MYPN: variants seen among roughly 807,000 people sequenced by gnomAD.
MYPN encodes the protein myopalladin.
Under a neutral mutation model 129.4 loss-of-function variants are expected in MYPN, and 63 were observed. The ratio of observed to expected loss-of-function variants is 0.49; its 90% confidence interval spans 0.40 to 0.60. MYPN has a LOEUF of 0.60. Ranked by LOEUF, MYPN falls within the 20% of genes least tolerant of loss-of-function variation. The pLI is 0.00. For synonymous variants in MYPN, 629 were observed against 600.9 expected, an observed-to-expected ratio of 1.05 and a Z score of -0.68; for missense variants, 1,596 against 1,635.4, an observed-to-expected ratio of 0.98 and a Z score of 0.42.
At position 68,131,130 on chromosome 10, in the gene MYPN, T is replaced by G. The variant is rs2042403980; in HGVS notation, c.902+8790T>G. Among the ~76,000 whole-genome samples, 4 of 152,226 alleles carry G rather than the reference T, an allele frequency of 2.6e-5. No homozygotes were observed. In the South Asian group the frequency reaches 8.3e-4, roughly 31 times the overall value. ...TAGGCCGGGTGTGGGGGCTCACGCC[T>G]GTAATCCCAGCACTTTGGGAGGCCA... is the stretch of plus-strand genomic sequence containing the variant. On this transcript the variant is annotated intron_variant, in intron 2 of 19. Coordinates refer to ENST00000358913, the MANE Select transcript of MYPN (RefSeq NM_032578.4).
chr10:68,177,003 T>C (rs369579802), intron 12 of MYPN, among the ~76,000 whole-genome samples: 10 of 152,260 alleles, frequency 6.6e-5, no homozygotes, highest in Admixed American at 2.0e-4. Context: ...GTATTCAGCC[T>C]ATGTCTTTTA....
At chr10:68,187,258 G>A (rs1373919216) in intron 12 of MYPN, among the ~76,000 whole-genome samples, 2 of 148,288 alleles carry the variant, frequency 1.3e-5, no homozygotes, top group African/African-American at 5.0e-5. Flanking sequence ...TGTAATCCCA[G>A]CCACTGCACT....
intron 14 of MYPN, 59 bp downstream of exon 14, chr10:68,194,571 T>A: frequency 1.3e-6 from 2 of 1,578,016 alleles, no homozygotes; most frequent in South Asian, 2.3e-5. Context: ...TTGATGTCAT[T>A]GTGAATGAGA....
intron 17 of MYPN, among the ~76,000 whole-genome samples, chr10:68,200,451 G>T (rs578159054): frequency 7.6e-4 from 115 of 152,248 alleles, no homozygotes; most frequent in African/African-American, 2.4e-3. Context: ...TCTGCTCTCA[G>T]TGTGGCCCTT....
intron 1 of MYPN, among the ~76,000 whole-genome samples, chr10:68,112,545 C>G (rs1239479258): frequency 6.6e-6 from 1 of 152,168 alleles, no homozygotes; most frequent in African/African-American, 2.4e-5. Flanking sequence ...AGGAATGTCC[C>G]TAAACGGATT....
intron 18 of MYPN, among the ~76,000 whole-genome samples, chr10:68,204,247 C>A (rs2043772134): frequency 6.6e-6 from 1 of 152,160 alleles, no homozygotes; most frequent in Non-Finnish European, 1.5e-5. Context: ...TCACAACACC[C>A]AATGCCTTTC....
At chr10:68,177,921 A>G (rs549841813) in intron 12 of MYPN, among the ~76,000 whole-genome samples, 1 of 152,368 alleles carries the variant, frequency 6.6e-6, no homozygotes, top group African/African-American at 2.4e-5. Flanking sequence ...ACACTGTCCT[A>G]GAACATTTGC....
chr10:68,165,458 CA>C, intron 8 of MYPN: 1 of 566,990 alleles, frequency 1.8e-6, no homozygotes, highest in South Asian at 1.5e-5. Flanking sequence ...CCTAAAAAAA[CA>C]AAAAAATCCC....
intron 12 of MYPN, among the ~76,000 whole-genome samples, chr10:68,178,712 CAA>C (rs5785847): frequency 5.6e-5 from 7 of 125,174 alleles, no homozygotes; most frequent in East Asian, 2.4e-4. Context: ...GACTCTGCCT[CAA>C]AAAAAAAAAA....
intron 19 of MYPN, among the ~76,000 whole-genome samples, chr10:68,207,491 C>G (rs1233558799): frequency 6.6e-6 from 1 of 152,170 alleles, no homozygotes; most frequent in Non-Finnish European, 1.5e-5. Flanking sequence ...TGCCTCTGAA[C>G]AGCCAATGTT....
At position 68,122,121 on chromosome 10, in the gene MYPN, T is replaced by C. The variant is rs377392207; in HGVS notation, c.683T>C (p.Leu228Pro). Residue 228 changes from leucine (L) to proline (P), a missense_variant, in exon 2 of 20, where the codon CTG becomes CCG. Physicochemically the swap from Leu to Pro is moderately conservative, Grantham distance 98. Transcript: ENST00000358913. The stretch of plus-strand genomic sequence containing the variant: ...AGGGATAATGAAGTGAATCACGCCC[T>C]GGAACAGCAGGAAGCCAAGAGGCGT... ...DTRDNEVNHA[L>P]EQQEAKRREA... 2.5e-6 allele frequency: 4 copies of C among 1,613,858 alleles called. No homozygotes were observed. The highest frequency in any genetic ancestry group is 3.4e-6 in the Non-Finnish European group (4 of 1,179,920).
Position 68,160,619 on chromosome 10 carries a change from T to A in MYPN, c.1460-1110T>A, listed in dbSNP as rs778784988. 2.6e-5 allele frequency among the ~76,000 whole-genome samples: 4 copies of A among 152,108 alleles called. No individual in the cohort carries two copies. In the South Asian group the frequency reaches 8.3e-4, roughly 31 times the overall value. On this transcript the variant is annotated intron_variant, in intron 7 of 19. Coordinates refer to ENST00000358913, the MANE Select transcript of MYPN (RefSeq NM_032578.4). ...AAGCCCAAAGAATTTTAAGATAAGA[T>A]AAGAACCTACTCTTGGCTGGGCATG...
chr10:68,118,516 T>G (rs1380692846), intron 1 of MYPN, among the ~76,000 whole-genome samples: 3 of 151,938 alleles, frequency 2.0e-5, no homozygotes, highest in East Asian at 3.9e-4. Context: ...AAATAAAGAG[T>G]AAAAGACAAA....
At chr10:68,209,983 G>A (rs572545323) in intron 19 of MYPN, among the ~76,000 whole-genome samples, 5 of 152,166 alleles carry the variant, frequency 3.3e-5, no homozygotes, top group South Asian at 2.1e-4. Context: ...ATAAGCCACC[G>A]TGCCTGGCCG....
At chr10:68,191,038 T>C (rs186368661) in intron 13 of MYPN, among the ~76,000 whole-genome samples, 80 of 152,278 alleles carry the variant, frequency 5.3e-4, no homozygotes, top group African/African-American at 1.8e-3. Flanking sequence ...TCTGTTCCAT[T>C]GGTCTATGTG....
At chr10:68,161,400 GCAGGAGAATTGCTTGAACC>G (rs1211670799) in intron 7 of MYPN, among the ~76,000 whole-genome samples, 26 of 152,114 alleles carry the variant, frequency 1.7e-4, no homozygotes, top group East Asian at 5.8e-4. Flanking sequence ...GGAGGCTGAA[GCAGGAGAATTGCTTGAACC>G]CAGGAGAATT....
In MYPN at chr10:68,122,214, T is replaced by A. The variant is rs201459289; in HGVS notation, c.776T>A (p.Leu259Gln). The change falls in exon 2 of 20, where the codon CTG (leucine) becomes CAG (glutamine). Residue 259 changes from leucine to glutamine, a missense_variant. By Grantham distance (113) the Leu-to-Gln change is moderately radical. Transcript: ENST00000358913. The part of the protein sequence containing the change: ...DTTPGSSPSS[L>Q]YYEEPLGQPP... ...ACACCAGGGTCTTCCCCTTCATCTC[T>A]GTACTATGAAGAACCTCTGGGGCAA... 1 of 1,610,974 alleles carries A rather than the reference T, an allele frequency of 6.2e-7. No individual in the cohort carries two copies. Among genetic ancestry groups the A allele is most frequent in the Non-Finnish European group, 8.5e-7 (1 of 1,178,572 alleles).
chr10:68,174,070 T>G lies in MYPN; in HGVS notation c.1978T>G (p.Ser660Ala). The change falls in exon 11 of 20, where the codon TCC (serine) becomes GCC (alanine). Residue 660 changes from serine (S) to alanine (A), a missense_variant. Physicochemically the swap from Ser to Ala is moderately conservative, Grantham distance 99. Transcript: ENST00000358913. Reference sequence around the variant, plus strand: ...CCACCCTTGTTTTGTGTACAGTGATTCCACTCAGTTACAACAGCTTCATAA... The same window carrying G: ...CCACCCTTGTTTTGTGTACAGTGATGCCACTCAGTTACAACAGCTTCATAA... Reference protein sequence around the residue: ...PPVLAKPKLDSTQLQQLHNQV... With the variant: ...PPVLAKPKLDATQLQQLHNQV... The G allele has an allele frequency of 6.2e-7, 1 of 1,611,758 alleles. No individual in the cohort carries two copies. Among genetic ancestry groups the G allele is most frequent in the South Asian group, 1.1e-5 (1 of 91,044 alleles).
intron 13 of MYPN, among the ~76,000 whole-genome samples, chr10:68,191,243 G>T (rs2043507598): frequency 6.6e-6 from 1 of 150,388 alleles, no homozygotes; most frequent in Non-Finnish European, 1.5e-5. Flanking sequence ...TTTGAGACAG[G>T]GTCTTGCTCT....
Sources: allele counts gnomAD v4.1 joint callset (sites outside exome capture counted in the v4.1 genomes callset), GRCh38; gene constraint gnomAD v4.1.1; transcripts MANE v1.5; gene names NCBI Gene and HGNC (gene_info 2026-07-23, HGNC 2026-07-21).